Variants in SEMA6D observed in about 807,000 individuals in gnomAD.
SEMA6D encodes semaphorin 6D, also known as semaphorin-6D.
In SEMA6D, 35 loss-of-function variants were observed where a neutral mutation model predicts 106.6. The observed-to-expected ratio is 0.33, with a 90% confidence interval of 0.25 to 0.44. The LOEUF (loss-of-function observed/expected upper bound fraction) is 0.44. Ranked by LOEUF, SEMA6D falls within the 20% of genes least tolerant of loss-of-function variation. The pLI, the probability that SEMA6D is intolerant of heterozygous loss-of-function variation, is 1.00. For synonymous variants in SEMA6D, 499 were observed against 487.7 expected, an observed-to-expected ratio of 1.02 and a Z score of -0.31; for missense variants, 1,185 against 1,345.9, an observed-to-expected ratio of 0.88 and a Z score of 1.87.
chr15:47,242,796 A>C (rs1312841353), intron 1 of SEMA6D, among the ~76,000 whole-genome samples: 1 of 152,146 alleles, frequency 6.6e-6, no homozygotes, highest in Non-Finnish European at 1.5e-5. Flanking sequence ...AAACAAGTAG[A>C]GGTGACTCTC....
At chr15:47,701,050 T>TA (rs1441779060) in intron 4 of SEMA6D, among the ~76,000 whole-genome samples, 1 of 152,206 alleles carries the variant, frequency 6.6e-6, no homozygotes, top group African/African-American at 2.4e-5. Context: ...ACATTTTAGA[T>TA]ACAGCACCAA....
intron 3 of SEMA6D, among the ~76,000 whole-genome samples, chr15:47,547,498 A>G (rs571728449): frequency 6.6e-6 from 1 of 152,306 alleles, no homozygotes; most frequent in Admixed American, 6.5e-5. Context: ...TTAAACATCA[A>G]ATATTCTCAC....
intron 15 of SEMA6D, 103 bp from the exon 16 acceptor site, chr15:47,766,513 C>G: frequency 1.0e-6 from 1 of 954,654 alleles, no homozygotes; most frequent in Non-Finnish European, 1.6e-6. Flanking sequence ...CTCTCTCTGC[C>G]CATTCTTACT....
intron 1 of SEMA6D, among the ~76,000 whole-genome samples, chr15:47,400,170 T>G (rs1203280288): frequency 6.6e-6 from 1 of 152,194 alleles, no homozygotes; most frequent in Non-Finnish European, 1.5e-5. Flanking sequence ...CAGCAAAAGC[T>G]ACTTCCCAGC....
chr15:47,436,770 T>A (rs76056601), intron 2 of SEMA6D, among the ~76,000 whole-genome samples: 3,974 of 77,072 alleles, frequency 0.052, 90 homozygotes, highest in African/African-American at 0.11. Flanking sequence ...AAAAAAAAAA[T>A]ATATATATAT....
At chr15:47,428,687 T>A (rs1034874738) in intron 2 of SEMA6D, among the ~76,000 whole-genome samples, 1 of 151,442 alleles carries the variant, frequency 6.6e-6, no homozygotes, top group Non-Finnish European at 1.5e-5. Flanking sequence ...GGCACAAGAG[T>A]CACTTGAACC....
intron 1 of SEMA6D, among the ~76,000 whole-genome samples, chr15:47,354,797 C>T (rs928383680): frequency 7.9e-5 from 12 of 151,962 alleles, no homozygotes; most frequent in African/African-American, 2.9e-4. Flanking sequence ...GCAATCCACA[C>T]TGTCTCTCCA....
At chr15:47,742,414 C>T (rs1213915363) in intron 1 of SEMA6D, among the ~76,000 whole-genome samples, 1 of 152,128 alleles carries the variant, frequency 6.6e-6, no homozygotes, top group African/African-American at 2.4e-5. Flanking sequence ...GGGAGGGATC[C>T]CTCCTGTCCT....
chr15:47,665,161 A>C (rs1377415668), intron 4 of SEMA6D, among the ~76,000 whole-genome samples: 1 of 152,096 alleles, frequency 6.6e-6, no homozygotes, highest in Non-Finnish European at 1.5e-5. Flanking sequence ...TTCTTTCTTC[A>C]AGTCATAGTA....
At chr15:47,633,398 G>C (rs2077326173) in intron 4 of SEMA6D, among the ~76,000 whole-genome samples, 1 of 152,042 alleles carries the variant, frequency 6.6e-6, no homozygotes, top group Admixed American at 6.5e-5. Flanking sequence ...TGTTTCACTG[G>C]ATATAGAAAT....
chr15:47,479,770 A>G (rs1476581175), intron 3 of SEMA6D, among the ~76,000 whole-genome samples: 1 of 152,108 alleles, frequency 6.6e-6, no homozygotes, highest in Non-Finnish European at 1.5e-5. Context: ...CCTCTCCCCA[A>G]ATGAAAGCAC....
intron 2 of SEMA6D, among the ~76,000 whole-genome samples, chr15:47,441,133 G>C (rs2041869079): frequency 1.3e-5 from 2 of 152,016 alleles, no homozygotes; most frequent in Admixed American, 1.3e-4. Flanking sequence ...ATCTCTTTAT[G>C]AGTCTCTTTT....
chr15:47,380,379 G>C (rs991459205), intron 1 of SEMA6D: 1 of 152,154 alleles, frequency 6.6e-6, no homozygotes, highest in Admixed American at 6.5e-5. Flanking sequence ...AGAACTCTAA[G>C]GCACTTGCTA....
At position 47,417,653 on chromosome 15, in the gene SEMA6D, C is replaced by A. The variant is rs4775683; in HGVS notation, c.-159+5181C>A. On this transcript the variant is annotated intron_variant, in intron 2 of 19. Coordinates refer to the SEMA6D transcript ENST00000558014. Reference sequence around the variant, plus strand: ...GTGTGTTTTTCAATGAGCTGTAGTGCCATATTGTCATGGCACTACCATGAC... The same window carrying A: ...GTGTGTTTTTCAATGAGCTGTAGTGACATATTGTCATGGCACTACCATGAC... 5.6e-3 allele frequency among the ~76,000 whole-genome samples: 846 copies of A among 151,992 alleles called. 19 individuals are homozygous for A. Among genetic ancestry groups the A allele is most frequent in the East Asian group, 0.043 (222 of 5,164 alleles).
At chr15:47,344,252 G>A (rs543373288) in intron 1 of SEMA6D, among the ~76,000 whole-genome samples, 1 of 152,194 alleles carries the variant, frequency 6.6e-6, no homozygotes, top group East Asian at 1.9e-4. Flanking sequence ...CAGTATAGCT[G>A]CCATTTATAT....
chr15:47,186,101 A>G (rs1893552355), intron 1 of SEMA6D, among the ~76,000 whole-genome samples: 1 of 152,186 alleles, frequency 6.6e-6, no homozygotes, highest in Non-Finnish European at 1.5e-5. Context: ...GCATATATAT[A>G]TACACATATA....
chr15:47,459,829 T>C (rs556791590), intron 2 of SEMA6D, among the ~76,000 whole-genome samples: 1 of 152,142 alleles, frequency 6.6e-6, no homozygotes, highest in African/African-American at 2.4e-5. Context: ...AAGATAACTA[T>C]CTGGGGAAAA....
intron 2 of SEMA6D, among the ~76,000 whole-genome samples, chr15:47,448,534 G>A (rs1168963360): frequency 6.6e-6 from 1 of 152,144 alleles, no homozygotes; most frequent in Non-Finnish European, 1.5e-5. Flanking sequence ...TTGGAGCTCA[G>A]TAATATTTGT....
In SEMA6D at chr15:47,543,843, G is replaced by GA. The variant is rs377662578; in HGVS notation, c.-86-57014dup. Among the ~76,000 whole-genome samples, 56 of 151,456 alleles carry GA rather than the reference G, an allele frequency of 3.7e-4. 1 individual carries two copies. In the South Asian group the frequency reaches 8.8e-3, roughly 24 times the overall value. ...GGTACTTTCACTATGCCCAAGTGGA[G>GA]AAAAAAAACCCTTTATTCTAAACAA... On this transcript the variant is annotated intron_variant, in intron 3 of 19. Coordinates refer to the SEMA6D transcript ENST00000558014.
Sources: allele counts gnomAD v4.1 joint callset (sites outside exome capture counted in the v4.1 genomes callset), GRCh38; gene constraint gnomAD v4.1.1; transcripts MANE v1.5; gene names NCBI Gene and HGNC (gene_info 2026-07-23, HGNC 2026-07-21).